M1AP: variants seen among roughly 807,000 people sequenced by gnomAD.
M1AP encodes meiosis 1 associated protein.
Under a neutral mutation model 51.2 loss-of-function variants are expected in M1AP, and 39 were observed. That is an observed-to-expected ratio of 0.76 (90% CI 0.59 to 1.00). The LOEUF (loss-of-function observed/expected upper bound fraction) is 1.00, where lower values mean the gene tolerates loss of function less well. Among genes scored for constraint, M1AP ranks in the 50% least tolerant of loss-of-function variants. The pLI is 0.00. For missense variants in M1AP, 545 were observed against 641.2 expected, an observed-to-expected ratio of 0.85 and a Z score of 1.62; for synonymous variants, 251 against 249.2, an observed-to-expected ratio of 1.01 and a Z score of -0.07.
chr2:74,562,135 A>G (rs1678058920), intron 8 of M1AP, 82 bp downstream of exon 8: 2 of 1,518,422 alleles, frequency 1.3e-6, no homozygotes, highest in South Asian at 1.3e-5. Flanking sequence ...CCATTCCCTC[A>G]TGGGCTCACT....
chr2:74,646,573 T>G (rs1259971273), intron 1 of M1AP, among the ~76,000 whole-genome samples: 2 of 152,172 alleles, frequency 1.3e-5, no homozygotes, highest in Non-Finnish European at 2.9e-5. Context: ...AAGGATAAAA[T>G]GTAGGAAACT....
chr2:74,597,020 T>C (rs916291794), intron 4 of M1AP, among the ~76,000 whole-genome samples: 8 of 152,200 alleles, frequency 5.3e-5, no homozygotes, highest in Non-Finnish European at 1.0e-4. Flanking sequence ...GTTCTGTATA[T>C]TGATCGTGAT....
chr2:74,642,584 T>C (rs1683356467), intron 1 of M1AP, among the ~76,000 whole-genome samples: 1 of 152,210 alleles, frequency 6.6e-6, no homozygotes, highest in African/African-American at 2.4e-5. Flanking sequence ...ATCACTTCTA[T>C]TCAGCATTAT....
At chr2:74,591,433 T>C (rs1354370387) in intron 4 of M1AP, among the ~76,000 whole-genome samples, 1 of 152,230 alleles carries the variant, frequency 6.6e-6, no homozygotes, top group Non-Finnish European at 1.5e-5. Context: ...GACTAATACA[T>C]ATATTCTATA....
intron 7 of M1AP, among the ~76,000 whole-genome samples, chr2:74,563,144 G>A (rs372071362): frequency 1.3e-5 from 2 of 152,230 alleles, no homozygotes; most frequent in African/African-American, 4.8e-5. Flanking sequence ...ACTTTGGGAG[G>A]CCAAGCCAGG....
chr2:74,603,514 A>G (rs1680794357), intron 4 of M1AP, among the ~76,000 whole-genome samples: 1 of 152,204 alleles, frequency 6.6e-6, no homozygotes, highest in Non-Finnish European at 1.5e-5. Context: ...AGAAGAGGAA[A>G]ATGAATACAG....
At chr2:74,605,855 C>G (rs950044436) in intron 4 of M1AP, among the ~76,000 whole-genome samples, 1 of 151,026 alleles carries the variant, frequency 6.6e-6, no homozygotes, top group African/African-American at 2.4e-5. Context: ...GAGCCGAGAT[C>G]GCGCCACCGC....
chr2:74,601,520 T>C (rs1680677845), intron 4 of M1AP, among the ~76,000 whole-genome samples: 3 of 152,142 alleles, frequency 2.0e-5, no homozygotes, highest in Admixed American at 6.5e-5. Flanking sequence ...GTCTCTATTA[T>C]GCCTCTATAA....
At chr2:74,573,404 G>C (rs1489015765) in intron 7 of M1AP, among the ~76,000 whole-genome samples, 1 of 152,028 alleles carries the variant, frequency 6.6e-6, no homozygotes, top group Admixed American at 6.6e-5. Flanking sequence ...CCAGGCTGGA[G>C]TGCAGTGGTG....
chr2:74,561,694 T>G (rs915645048), intron 8 of M1AP, among the ~76,000 whole-genome samples: 1 of 152,064 alleles, frequency 6.6e-6, no homozygotes, highest in African/African-American at 2.4e-5. Flanking sequence ...CAATCTCCTC[T>G]CTGGGGAGGA....
chr2:74,566,612 AC>A (rs1315138492), intron 7 of M1AP, among the ~76,000 whole-genome samples: 2 of 152,132 alleles, frequency 1.3e-5, no homozygotes, highest in Non-Finnish European at 2.9e-5. Flanking sequence ...CCACTGACTC[AC>A]GCTAGGCTGC....
chr2:74,607,604 G>A (rs1224702434), intron 3 of M1AP, among the ~76,000 whole-genome samples: 1 of 152,174 alleles, frequency 6.6e-6, no homozygotes, highest in Non-Finnish European at 1.5e-5. Flanking sequence ...CTCCTGGATA[G>A]CTGGGATTAC....
At chr2:74,611,894 T>TTG (rs1553414996) in intron 3 of M1AP, among the ~76,000 whole-genome samples, 10 of 79,706 alleles carry the variant, frequency 1.3e-4, no homozygotes, top group Non-Finnish European at 1.8e-4. Flanking sequence ...TTTTTTTTTT[T>TTG]TTTTTTTTTT....
At chr2:74,621,284 A>G (rs1310063944) in intron 2 of M1AP, among the ~76,000 whole-genome samples, 1 of 151,740 alleles carries the variant, frequency 6.6e-6, no homozygotes, top group Non-Finnish European at 1.5e-5. Context: ...TCCGTCTCAA[A>G]AAAAACCCCA....
intron 3 of M1AP, among the ~76,000 whole-genome samples, chr2:74,610,689 T>A (rs1320532492): frequency 6.6e-6 from 1 of 152,004 alleles, no homozygotes; most frequent in Non-Finnish European, 1.5e-5. Context: ...CCTCAAGTGA[T>A]CCTCTTACCT....
chr2:74,642,009 C>T (rs1049846250), intron 1 of M1AP, among the ~76,000 whole-genome samples: 6 of 151,894 alleles, frequency 4.0e-5, no homozygotes, highest in Admixed American at 3.9e-4. Context: ...CCATGCCTGG[C>T]TAGTTTTGTA....
chr2:74,624,252 G>T (rs1194529943), intron 2 of M1AP, among the ~76,000 whole-genome samples: 2 of 152,182 alleles, frequency 1.3e-5, no homozygotes, highest in African/African-American at 2.4e-5. Context: ...TCAAGTTAGA[G>T]AAATAAGGGA....
chr2:74,599,988 T>C (rs1680585797), intron 4 of M1AP, among the ~76,000 whole-genome samples: 1 of 152,166 alleles, frequency 6.6e-6, no homozygotes, highest in African/African-American at 2.4e-5. Flanking sequence ...GGTTTTGTTA[T>C]ATTGCCCAGG....
chr2:74,569,207 C>T (rs1426443148), intron 7 of M1AP, among the ~76,000 whole-genome samples: 2 of 152,112 alleles, frequency 1.3e-5, no homozygotes, highest in African/African-American at 2.4e-5. Context: ...TGTAGAACTG[C>T]TAACCAACCA....
Sources: allele counts gnomAD v4.1 joint callset (sites outside exome capture counted in the v4.1 genomes callset), GRCh38; gene constraint gnomAD v4.1.1; transcripts MANE v1.5; gene names NCBI Gene and HGNC (gene_info 2026-07-23, HGNC 2026-07-21).